Variants in YTHDF2 observed in about 807,000 individuals in gnomAD.
YTHDF2 encodes the protein YTH N6-methyladenosine RNA binding protein F2.
A neutral mutation model predicts 50.4 loss-of-function variants in YTHDF2; 2 were observed. The observed-to-expected ratio is 0.04, with a 90% CI of 0.02 to 0.12. The LOEUF is 0.12. Among genes scored for constraint, YTHDF2 ranks in the 10% least tolerant of loss-of-function variants. The probability of loss-of-function intolerance (pLI) is 1.00; values close to 1 mark genes in which losing one functional copy is unlikely to be tolerated. For synonymous variants in YTHDF2, 217 were observed against 255.6 expected, an observed-to-expected ratio of 0.85 and a Z score of 1.44; for missense variants, 483 against 722.6, an observed-to-expected ratio of 0.67 and a Z score of 3.80.
rs373621714 is a variant in YTHDF2 at position 28,764,246 on chromosome 1, C to T, written c.1717-4683C>T. Among the ~76,000 whole-genome samples the T allele has an allele frequency of 2.9e-4, 44 of 150,418 alleles. No homozygotes were observed. The East Asian group carries it at 5.0e-3, about 17-fold the overall frequency. On this transcript the variant is annotated intron_variant, in intron 4 of 4. Coordinates refer to ENST00000373812, the MANE Select transcript of YTHDF2 (RefSeq NM_016258.3). ...GATTACAGGCATGAGCCACTGTGCC[C>T]GGCCCAATTTTTTATTTTTATTTAT...
In YTHDF2 at chr1:28,743,452, C is replaced by G. The variant is rs138548434; in HGVS notation, c.1182C>G (p.Ser394=). 1.2e-6 allele frequency: 2 copies of G among 1,614,036 alleles called. No homozygotes were observed. Among genetic ancestry groups the G allele is most frequent in the African/African-American group, 2.7e-5 (2 of 74,902 alleles). ...ACCCAGTGTTGGAGAAGCTTCGGTC[C>G]ATTAATAACTATAACCCCAAAGATT... The part of the protein sequence containing the change: ...EPHPVLEKLR[S]INNYNPKDFD... The change falls in exon 4 of 5, where the codon TCC becomes TCG. Residue 394 remains serine (S), a synonymous_variant. Transcript: ENST00000373812. The surrounding 1 kb of genome is among the most constrained non-coding windows in gnomAD (Gnocchi z 6.9).
chr1:28,762,363 G>T (rs1315276064), intron 4 of YTHDF2, among the ~76,000 whole-genome samples: 1 of 152,232 alleles, frequency 6.6e-6, no homozygotes, highest in Non-Finnish European at 1.5e-5. Flanking sequence ...CGGCACTCCA[G>T]TCTGGGCAAC....
At chr1:28,761,127 G>GT (rs1350271264) in intron 4 of YTHDF2, among the ~76,000 whole-genome samples, 20 of 59,928 alleles carry the variant, frequency 3.3e-4, no homozygotes, top group African/African-American at 1.1e-3. Context: ...GTGTGTGTGT[G>GT]TGTATTTTTT....
At chr1:28,753,915 T>A (rs1288925163) in intron 4 of YTHDF2, among the ~76,000 whole-genome samples, 1 of 151,968 alleles carries the variant, frequency 6.6e-6, no homozygotes, top group South Asian at 2.1e-4. Context: ...TCATGTTGGC[T>A]AGGCTGGTCT....
intron 4 of YTHDF2, among the ~76,000 whole-genome samples, chr1:28,760,134 T>G (rs1300991421): frequency 6.6e-6 from 1 of 152,182 alleles, no homozygotes; most frequent in African/African-American, 2.4e-5. Context: ...CCTAAAATAG[T>G]ACCTTCTTCT....
chr1:28,737,788 T>C (rs1022890875), intron 2 of YTHDF2, 106 bp downstream of exon 2: 8 of 1,371,064 alleles, frequency 5.8e-6, no homozygotes, highest in Non-Finnish European at 7.1e-6. Context: ...GGAAGCCGCT[T>C]AGTTCGCAGG....
chr1:28,755,954 G>GACT (rs2088029976), intron 4 of YTHDF2, among the ~76,000 whole-genome samples: 1 of 152,182 alleles, frequency 6.6e-6, no homozygotes, highest in Non-Finnish European at 1.5e-5. Flanking sequence ...CAGTATGGTA[G>GACT]AGTACACTTA....
Position 28,769,588 on chromosome 1 carries a change from A to G in YTHDF2, c.*636A>G, listed in dbSNP as rs1324374700. ...ACATTATACTGATTAAGTCAGGATT[A>G]ATTTGATTTCAAAGCTGAGAACAGT... On this transcript the variant is annotated 3_prime_UTR_variant, in exon 5 of 5. Transcript: ENST00000373812. The G allele has an allele frequency of 6.6e-6, 1 of 152,668 alleles. No individual in the cohort carries two copies. The highest frequency in any genetic ancestry group is 2.4e-5 in the African/African-American group (1 of 41,450). The allele number at this position is 152,668 out of a possible 1,614,324, so 9.5% of individuals were successfully genotyped here. A position where few individuals can be genotyped will look rare whatever the true frequency, so the allele number is the denominator to read the frequency against.
At chr1:28,768,695 G>T (rs559278411) in intron 4 of YTHDF2, among the ~76,000 whole-genome samples, 17 of 152,228 alleles carry the variant, frequency 1.1e-4, no homozygotes, top group African/African-American at 3.6e-4. Context: ...CAGTATAATA[G>T]GAAAGCATGT....
intron 3 of YTHDF2, 98 bp from the exon 4 acceptor site, chr1:28,742,305 T>C (rs1416433232): frequency 6.8e-7 from 1 of 1,460,598 alleles, no homozygotes; most frequent in African/African-American, 1.4e-5. Flanking sequence ...TGCACACTCC[T>C]TTTTATAGTA....
chr1:28,737,513 T>C, intron 1 of YTHDF2, 145 bp from the exon 2 acceptor site: 1 of 1,135,038 alleles, frequency 8.8e-7, no homozygotes, highest in Admixed American at 2.8e-5. Flanking sequence ...CCTCCCATTT[T>C]CAGCCTCTTC....
chr1:28,742,269 A>T, intron 3 of YTHDF2, 134 bp from the exon 4 acceptor site: 1 of 1,158,632 alleles, frequency 8.6e-7, no homozygotes, highest in Non-Finnish European at 1.2e-6. Context: ...TGTAGGGATT[A>T]CAGGTGTGAG....
chr1:28,764,209 C>G (rs1318871738), intron 4 of YTHDF2, among the ~76,000 whole-genome samples: 1 of 150,318 alleles, frequency 6.7e-6, no homozygotes, highest in African/African-American at 2.4e-5. Context: ...CCTCGGCCTC[C>G]CAAAGTGCTG....
rs769383396 is a variant in YTHDF2 at position 28,743,156 on chromosome 1, A to G, written c.886A>G (p.Ile296Val). The stretch of plus-strand genomic sequence containing the variant: ...CCCCTCACAGGCTTTGGTTCAGAAT[A>G]TAGGTCAGCCAACCCAGGGGTCTCC... ...KAPSQALVQN[I>V]GQPTQGSPQP... The change falls in exon 4 of 5, where the codon ATA becomes GTA. Residue 296 changes from isoleucine to valine, a missense_variant. Coordinates refer to ENST00000373812, the MANE Select transcript of YTHDF2 (RefSeq NM_016258.3). This position sits in a 1 kb window ranked among gnomAD's most constrained non-coding sequence, Gnocchi z 6.9. The G allele has an allele frequency of 3.7e-6, 6 of 1,614,148 alleles. 1 individual carries two copies. The South Asian group carries it at 6.6e-5, about 18-fold the overall frequency.
At chr1:28,764,642 C>T (rs941068998) in intron 4 of YTHDF2, among the ~76,000 whole-genome samples, 4 of 150,824 alleles carry the variant, frequency 2.7e-5, no homozygotes, top group Admixed American at 1.3e-4. Context: ...CTCCTGACCT[C>T]GTGATCCACC....
intron 2 of YTHDF2, 94 bp from the exon 3 acceptor site, chr1:28,738,165 C>T (rs2087723634): frequency 3.2e-6 from 3 of 947,874 alleles, no homozygotes; most frequent in Admixed American, 4.4e-5. Context: ...GCTTTGTTAA[C>T]TAGTAAGGTT....
chr1:28,752,783 C>G (rs937832811), intron 4 of YTHDF2, among the ~76,000 whole-genome samples: 1 of 151,708 alleles, frequency 6.6e-6, no homozygotes, highest in Non-Finnish European at 1.5e-5. Context: ...TGGCTCACAC[C>G]TGTAATCCCA....
intron 4 of YTHDF2, among the ~76,000 whole-genome samples, chr1:28,765,470 G>A (rs1194161449): frequency 6.6e-6 from 1 of 152,042 alleles, no homozygotes; most frequent in Non-Finnish European, 1.5e-5. Context: ...CAGGCTGCCA[G>A]GCTAGAATGT....
upstream of YTHDF2, chr1:28,736,777 C>T (rs1280606583): frequency 1.1e-4 from 36 of 315,494 alleles, no homozygotes; most frequent in South Asian, 1.3e-3. Context: ...TCTCCCTTCC[C>T]GGGGTTCTTC....
Sources: allele counts gnomAD v4.1 joint callset (sites outside exome capture counted in the v4.1 genomes callset), GRCh38; gene constraint gnomAD v4.1.1; non-coding constraint Gnocchi (gnomAD v3.1); transcripts MANE v1.5; gene names NCBI Gene and HGNC (gene_info 2026-07-23, HGNC 2026-07-21).